The following PTH1R variants were observed in gnomAD, a reference collection of about 807,000 sequenced individuals.
The protein encoded by PTH1R is parathyroid hormone 1 receptor, also known as parathyroid hormone/parathyroid hormone-related peptide receptor.
PTH1R carries 32 observed loss-of-function variants against 70.7 expected under a neutral mutation model. That is an observed-to-expected ratio of 0.45 (90% CI 0.34 to 0.61). The LOEUF is 0.61. Ranked by LOEUF, PTH1R falls within the 20% of genes least tolerant of loss-of-function variation. The pLI is 0.01. For missense variants in PTH1R, 626 were observed against 792.5 expected (o/e 0.79, Z 2.52); for synonymous variants, 329 against 324.8 (o/e 1.01, Z -0.14).
Position 46,882,669 on chromosome 3 carries a change from G to T in PTH1R, c.-48-843G>T, listed in dbSNP as rs557709840. Among the ~76,000 whole-genome samples, 50 of 152,162 alleles carry T rather than the reference G, an allele frequency of 3.3e-4. No homozygotes were observed. In the South Asian group the frequency reaches 9.7e-3, roughly 30 times the overall value. On this transcript the variant is annotated intron_variant, in intron 2 of 15. Coordinates refer to ENST00000449590, the MANE Select transcript of PTH1R (RefSeq NM_000316.3). The surrounding 1 kb of genome is among the most constrained non-coding windows in gnomAD (Gnocchi z 4.3). ...GCAAATGTTTTCGTAGAGAGAAAAG[G>T]GGGAGGGAGGGAGCGAGGGAGTGAC...
rs776201336 is a variant in PTH1R, at chr3:46,898,208, C to T, written c.543+16C>T. 2.5e-6 allele frequency: 4 copies of T among 1,611,610 alleles called. No individual in the cohort carries two copies. The African/African-American group carries it at 4.0e-5, about 16-fold the overall frequency. On this transcript the variant is annotated intron_variant, in intron 7 of 15. Transcript: ENST00000449590. ...TCGTGAACGGGTGCGAGCCTTTCTCCTCCCCAACCTGACCAGGATAAATTC... is the reference window on the plus strand; with the variant it reads ...TCGTGAACGGGTGCGAGCCTTTCTCTTCCCCAACCTGACCAGGATAAATTC...
intron 3 of PTH1R, among the ~76,000 whole-genome samples, chr3:46,885,522 A>ATG (rs762180887): frequency 7.2e-5 from 11 of 152,176 alleles, no homozygotes; most frequent in East Asian, 1.9e-4. Context: ...CTGTGCCTCT[A>ATG]TGTGTGTGTG....
In PTH1R at chr3:46,883,541, G is replaced by C; in HGVS notation, c.-19G>C. 6.6e-7 allele frequency: 1 copy of C among 1,510,758 alleles called. No homozygotes were observed. The highest frequency in any genetic ancestry group is 8.8e-7 in the Non-Finnish European group (1 of 1,134,832). 93.6% of individuals were successfully genotyped at this position (1,510,758 alleles called of 1,614,324 possible). A position where few individuals can be genotyped will look rare whatever the true frequency, so the allele number is the denominator to read the frequency against. ...GGCGGCGGCGGCTGCCCCGAGGGAC[G>C]CGGCCCTAGGCGGTGGCGATGGGGA... On this transcript the variant is annotated 5_prime_UTR_variant, in exon 3 of 16. Transcript: ENST00000449590. This position sits in a 1 kb window ranked among gnomAD's most constrained non-coding sequence, Gnocchi z 6.4.
rs1221695390 is a variant in PTH1R, at chr3:46,893,778, G to A, written c.76-129G>A. On this transcript the variant is annotated intron_variant, in intron 3 of 15. Transcript: ENST00000449590. The surrounding 1 kb of genome is among the most constrained non-coding windows in gnomAD (Gnocchi z 5.2). ...TAGAGCAGATTCCCCACATGCAGGG[G>A]AAATCCCACCTTCCCTCTAGAGTCA... The A allele has an allele frequency of 2.4e-6, 2 of 843,652 alleles. No individual in the cohort carries two copies. The highest frequency in any genetic ancestry group is 2.0e-5 in the Admixed American group (1 of 49,098). The allele number at this position is 843,652 out of a possible 1,614,324, so 52.3% of individuals were successfully genotyped here. A position where few individuals can be genotyped will look rare whatever the true frequency, so the allele number is the denominator to read the frequency against.
chr3:46,900,843 C>T (rs1381736931), intron 10 of PTH1R, among the ~76,000 whole-genome samples, 182 bp from the exon 11 acceptor site: 2 of 152,024 alleles, frequency 1.3e-5, no homozygotes, highest in Non-Finnish European at 2.9e-5. Context: ...GCTGGAGCCC[C>T]AAGGGGAAGC....
chr3:46,886,889 G>A (rs1290166884), intron 3 of PTH1R, among the ~76,000 whole-genome samples: 1 of 152,164 alleles, frequency 6.6e-6, no homozygotes, highest in Non-Finnish European at 1.5e-5. Flanking sequence ...CACGAGATTT[G>A]CTGCTGGCAG....
At position 46,902,714 on chromosome 3, in the gene PTH1R, G is replaced by T; in HGVS notation, c.1354-35G>T. 1 of 1,614,086 alleles carries T rather than the reference G, an allele frequency of 6.2e-7. No homozygotes were observed. The highest frequency in any genetic ancestry group is 8.5e-7 in the Non-Finnish European group (1 of 1,180,024). On this transcript the variant is annotated intron_variant, in intron 14 of 15. Coordinates refer to ENST00000449590, the MANE Select transcript of PTH1R (RefSeq NM_000316.3). This position sits in a 1 kb window ranked among gnomAD's most constrained non-coding sequence, Gnocchi z 5.4. ...CTGGCTGAGGGTGGGAGGGGTTCCG[G>T]GGGCAGGCCTGATTCGAGACACCCC...
At chr3:46,889,756 T>C (rs1325625525) in intron 3 of PTH1R, among the ~76,000 whole-genome samples, 1 of 152,032 alleles carries the variant, frequency 6.6e-6, no homozygotes, top group African/African-American at 2.4e-5. Context: ...CTGGGTGGCC[T>C]GTAAGTGGTG....
In PTH1R at chr3:46,883,558, C is replaced by G; in HGVS notation, c.-2C>G. 6.5e-7 allele frequency: 1 copy of G among 1,534,436 alleles called. No homozygotes were observed. The highest frequency in any genetic ancestry group is 8.7e-7 in the Non-Finnish European group (1 of 1,145,018). ...CGAGGGACGCGGCCCTAGGCGGTGG[C>G]GATGGGGACCGCCCGGATCGCACCC... On this transcript the variant is annotated 5_prime_UTR_variant, in exon 3 of 16. Coordinates refer to ENST00000449590, the MANE Select transcript of PTH1R (RefSeq NM_000316.3). This position sits in a 1 kb window ranked among gnomAD's most constrained non-coding sequence, Gnocchi z 6.4.
At chr3:46,900,154 G>A (rs376076863) in intron 10 of PTH1R, among the ~76,000 whole-genome samples, 13 of 152,230 alleles carry the variant, frequency 8.5e-5, no homozygotes, top group African/African-American at 3.1e-4. Context: ...GCACCCAGAG[G>A]CCCACAGGTC....
chr3:46,900,283 G>C (rs1171876263), intron 10 of PTH1R, among the ~76,000 whole-genome samples: 2 of 152,230 alleles, frequency 1.3e-5, no homozygotes, highest in East Asian at 3.9e-4. Flanking sequence ...TCTGGGGCTA[G>C]GAGGTGTCCT....
intron 10 of PTH1R, among the ~76,000 whole-genome samples, chr3:46,900,432 T>A (rs1418042108): frequency 6.6e-6 from 1 of 152,146 alleles, no homozygotes; most frequent in African/African-American, 2.4e-5. Context: ...GTTGGTGGTA[T>A]GTGGTCGGGG....
At position 46,898,191 on chromosome 3, in the gene PTH1R, G is replaced by T; in HGVS notation, c.542G>T (p.Arg181Leu). 1 of 1,613,990 alleles carries T rather than the reference G, an allele frequency of 6.2e-7. No homozygotes were observed. The highest frequency in any genetic ancestry group is 1.1e-5 in the South Asian group (1 of 91,076). ...TTTCTCACCAATGAGACTCGTGAAC[G>T]GGTGCGAGCCTTTCTCCTCCCCAAC... Reference protein sequence around the residue: ...VKFLTNETREREVFDRLGMIY... With the variant: ...VKFLTNETRELEVFDRLGMIY... Residue 181 changes from arginine (R) to leucine (L), a missense_variant and splice_region_variant, in exon 7 of 16, where the codon CGG becomes CTG. Arg to Leu is a moderately radical substitution (Grantham distance 102). Coordinates refer to ENST00000449590, the MANE Select transcript of PTH1R (RefSeq NM_000316.3).
In PTH1R at chr3:46,897,000, T is replaced by C. The variant is rs1468893981; in HGVS notation, c.314-855T>C. Among the ~76,000 whole-genome samples, 1 of 152,156 alleles carries C rather than the reference T, an allele frequency of 6.6e-6. No individual in the cohort carries two copies. The highest frequency in any genetic ancestry group is 1.5e-5 in the Non-Finnish European group (1 of 68,002). ...ATGAGGAAATGGAAATAGAAAGACT[T>C]GGGACACCTGCGTGAGGTCAGCAGC... On this transcript the variant is annotated intron_variant, in intron 5 of 15. Coordinates refer to ENST00000449590, the MANE Select transcript of PTH1R (RefSeq NM_000316.3). The surrounding 1 kb of genome is among the most constrained non-coding windows in gnomAD (Gnocchi z 4.1).
At position 46,879,622 on chromosome 3, in the gene PTH1R, C is replaced by T. The variant is rs993249213; in HGVS notation, c.-105-1440C>T. Reference sequence around the variant, plus strand: ...ATTACCCAGGTGTGGTAGCTCATGCCTGTGGTGCCAGCTACATGAGAGGCT... The same window carrying T: ...ATTACCCAGGTGTGGTAGCTCATGCTTGTGGTGCCAGCTACATGAGAGGCT... On this transcript the variant is annotated intron_variant, in intron 1 of 15. Transcript: ENST00000449590. This position sits in a 1 kb window ranked among gnomAD's most constrained non-coding sequence, Gnocchi z 4.7. 6.6e-6 allele frequency among the ~76,000 whole-genome samples: 1 copy of T among 152,152 alleles called. No homozygotes were observed. The highest frequency in any genetic ancestry group is 6.5e-5 in the Admixed American group (1 of 15,270).
chr3:46,903,512 G>T lies in PTH1R; in HGVS notation c.1638G>T (p.Glu546Asp). The T allele has an allele frequency of 6.2e-7, 1 of 1,613,954 alleles. No individual in the cohort carries two copies. The change falls in exon 16 of 16, where the codon GAG (glutamate) becomes GAT (aspartate). Residue 546 changes from glutamate to aspartate, a missense_variant. This residue lies in a region of PTH1R where 495 missense variants were observed against 638.7 expected (regional missense o/e 0.77). Coordinates refer to ENST00000449590, the MANE Select transcript of PTH1R (RefSeq NM_000316.3). This position sits in a 1 kb window ranked among gnomAD's most constrained non-coding sequence, Gnocchi z 4.4. ...CCAAGCCAGGGACCCCAGCCCTGGA[G>T]ACCCTCGAGACCACACCACCTGCCA... ...GHAKPGTPAL[E>D]TLETTPPAMA...
Position 46,893,835 on chromosome 3 carries a change from A to T in PTH1R, c.76-72A>T. 1.4e-6 allele frequency: 2 copies of T among 1,430,450 alleles called. No individual in the cohort carries two copies. 88.6% of individuals were successfully genotyped at this position (1,430,450 alleles called of 1,614,324 possible). The stretch of plus-strand genomic sequence containing the variant: ...TTTGAAAGGGGGTAGTCCCTCTGGG[A>T]AATTGGGATGTCTCTGGGACCTGCT... On this transcript the variant is annotated intron_variant, in intron 3 of 15. Coordinates refer to ENST00000449590, the MANE Select transcript of PTH1R (RefSeq NM_000316.3). This position sits in a 1 kb window ranked among gnomAD's most constrained non-coding sequence, Gnocchi z 5.2.
rs761755023 is a variant in PTH1R, at chr3:46,898,679, G to T, written c.656G>T (p.Arg219Leu). ...CCCCGCAGGCGGCTGCACTGCACGC[G>T]CAACTACATCCACATGCACCTGTTC... Reference protein sequence around the residue: ...LAYFRRLHCTRNYIHMHLFLS... With the variant: ...LAYFRRLHCTLNYIHMHLFLS... The change falls in exon 9 of 16, where the codon CGC becomes CTC. Residue 219 changes from arginine to leucine, a missense_variant. Arg to Leu is a moderately radical substitution (Grantham distance 102). Coordinates refer to ENST00000449590, the MANE Select transcript of PTH1R (RefSeq NM_000316.3). The T allele has an allele frequency of 6.2e-7, 1 of 1,612,406 alleles. No individual in the cohort carries two copies. Among genetic ancestry groups the T allele is most frequent in the South Asian group, 1.1e-5 (1 of 91,080 alleles).
intron 10 of PTH1R, 82 bp from the exon 11 acceptor site, chr3:46,900,943 T>C: frequency 6.9e-7 from 1 of 1,456,792 alleles, no homozygotes; most frequent in African/African-American, 1.4e-5. Flanking sequence ...TGGGGTAAGC[T>C]GGGGGTCATC....
Sources: gnomAD v4.1 joint callset for allele counts (sites outside exome capture counted in the v4.1 genomes callset) on GRCh38, gnomAD v4.1.1 for gene constraint, gnomAD v4.1.1 regional missense constraint, Gnocchi (gnomAD v3.1) non-coding constraint, MANE v1.5 for transcripts, NCBI Gene and HGNC (gene_info 2026-07-23, HGNC 2026-07-21) for gene names.